The following FABP6 variants were observed in gnomAD, a reference collection of about 807,000 sequenced individuals.
FABP6 encodes the protein gastrotropin.
Under a neutral mutation model 14.9 loss-of-function variants are expected in FABP6, and 13 were observed. The observed-to-expected ratio is 0.87, with a 90% CI of 0.57 to 1.39. The LOEUF is 1.39. Ranked by LOEUF, FABP6 falls within the 40% of genes most tolerant of loss-of-function variation. The pLI is 0.00. For synonymous variants in FABP6, 75 were observed against 63.6 expected (o/e 1.18, Z -0.85); for missense variants, 161 against 167.2 (o/e 0.96, Z 0.20).
chr5:160,234,427 A>ATTT (rs34564042), intron 2 of FABP6, among the ~76,000 whole-genome samples: 11 of 65,886 alleles, frequency 1.7e-4, no homozygotes, highest in South Asian at 5.3e-4. Flanking sequence ...TGGTAAATTC[A>ATTT]TTTTTTTTTT....
chr5:160,238,489 T>C, intron 3 of FABP6, 117 bp from the exon 4 acceptor site: 1 of 800,686 alleles, frequency 1.2e-6, no homozygotes, highest in South Asian at 1.5e-5. Flanking sequence ...AAAGAAGTGG[T>C]GCGCCTGACT....
At chr5:160,206,476 C>T (rs1187354969) in intron 2 of FABP6, among the ~76,000 whole-genome samples, 3 of 151,982 alleles carry the variant, frequency 2.0e-5, no homozygotes, top group Non-Finnish European at 2.9e-5. Flanking sequence ...TACATGTATC[C>T]ACAGTGATTC....
At chr5:160,208,042 C>G (rs148835543) in intron 2 of FABP6, among the ~76,000 whole-genome samples, 1 of 151,984 alleles carries the variant, frequency 6.6e-6, no homozygotes, top group African/African-American at 2.4e-5. Flanking sequence ...CTTCTTTAGA[C>G]TTTTCTGCAT....
chr5:160,235,988 G>A (rs1203698347), intron 3 of FABP6, among the ~76,000 whole-genome samples: 1 of 151,368 alleles, frequency 6.6e-6, no homozygotes, highest in Non-Finnish European at 1.5e-5. Flanking sequence ...TCTTCACATG[G>A]CAGGGAGACG....
At chr5:160,187,382 A>G (rs1759308696) in exon 1 of FABP6, 1 of 152,626 alleles carries the variant, frequency 6.6e-6, no homozygotes, top group Non-Finnish European at 1.5e-5. Flanking sequence ...AACAAAACAG[A>G]TTACTTTGAA....
chr5:160,229,252 C>T (rs115190868), upstream of FABP6, among the ~76,000 whole-genome samples: 1,922 of 152,172 alleles, frequency 0.013, 38 homozygotes, highest in African/African-American at 0.043. Context: ...GCAGGGCATG[C>T]GGGAACGGAG....
At chr5:160,223,387 CTCCTTCCTTCCT>C (rs144081714) in intron 3 of FABP6, among the ~76,000 whole-genome samples, 1 of 105,882 alleles carries the variant, frequency 9.4e-6, no homozygotes, top group Non-Finnish European at 1.8e-5. Context: ...CCCTCCCTCT[CTCCTTCCTTCCT>C]TCCTTCCTTC....
chr5:160,213,903 C>A, intron 3 of FABP6: 1 of 1,113,036 alleles, frequency 9.0e-7, no homozygotes, highest in Non-Finnish European at 1.4e-6. Context: ...GACTTTGTGT[C>A]CTATCCCTGG....
chr5:160,211,136 G>T (rs1446876716), intron 2 of FABP6, among the ~76,000 whole-genome samples: 4 of 152,028 alleles, frequency 2.6e-5, no homozygotes, highest in Admixed American at 2.6e-4. Flanking sequence ...TTCTGTCCTG[G>T]GGAGCTGAGA....
intron 1 of FABP6, among the ~76,000 whole-genome samples, chr5:160,192,094 C>T (rs941485132): frequency 2.0e-5 from 3 of 152,076 alleles, no homozygotes; most frequent in Non-Finnish European, 4.4e-5. Flanking sequence ...TTTCCCTCAC[C>T]TGACCCCTTG....
chr5:160,193,228 C>T (rs1759434815), intron 1 of FABP6, among the ~76,000 whole-genome samples: 1 of 151,972 alleles, frequency 6.6e-6, no homozygotes, highest in Non-Finnish European at 1.5e-5. Flanking sequence ...GGTGAAACTG[C>T]AGACTTTCGC....
intron 1 of FABP6, chr5:160,198,432 C>G (rs886181761): frequency 3.9e-5 from 6 of 152,476 alleles, no homozygotes; most frequent in Non-Finnish European, 5.9e-5. Flanking sequence ...TACCACCTCA[C>G]TGGTCTCCCT....
At chr5:160,222,677 A>G (rs1193137743) in intron 3 of FABP6, among the ~76,000 whole-genome samples, 1 of 152,192 alleles carries the variant, frequency 6.6e-6, no homozygotes, top group South Asian at 2.1e-4. Flanking sequence ...ATAATCAGAA[A>G]ATAAACCCCC....
chr5:160,203,585 A>T (rs920105457), intron 2 of FABP6, among the ~76,000 whole-genome samples: 1 of 151,694 alleles, frequency 6.6e-6, no homozygotes, highest in Non-Finnish European at 1.5e-5. Flanking sequence ...CTGGTCTCAG[A>T]CTCCTGGGAT....
chr5:160,225,636 G>A (rs1384112001), upstream of FABP6, among the ~76,000 whole-genome samples: 1 of 151,960 alleles, frequency 6.6e-6, no homozygotes, highest in Non-Finnish European at 1.5e-5. Flanking sequence ...TCCTGATTTT[G>A]TGATCCACCT....
chr5:160,219,278 C>T (rs1052358472), intron 3 of FABP6, among the ~76,000 whole-genome samples: 1 of 152,186 alleles, frequency 6.6e-6, no homozygotes. Flanking sequence ...CCAGGCATTA[C>T]TCTGAGAATA....
intron 1 of FABP6, among the ~76,000 whole-genome samples, 158 bp downstream of exon 1, chr5:160,229,782 A>G (rs1760331100): frequency 6.6e-6 from 1 of 152,060 alleles, no homozygotes; most frequent in African/African-American, 2.4e-5. Context: ...GCTTTCTCCC[A>G]GGCTCTGAGG....
intron 2 of FABP6, among the ~76,000 whole-genome samples, chr5:160,234,427 ATTT>A (rs34564042): frequency 1.5e-5 from 1 of 65,892 alleles, no homozygotes. Flanking sequence ...TGGTAAATTC[ATTT>A]TTTTTTTTTT....
chr5:160,203,650 A>G (rs982892203), intron 2 of FABP6, among the ~76,000 whole-genome samples: 3 of 151,870 alleles, frequency 2.0e-5, no homozygotes, highest in African/African-American at 7.3e-5. Context: ...AGTGCAAACC[A>G]CTGCATCCAA....
Sources: allele counts gnomAD v4.1 joint callset (sites outside exome capture counted in the v4.1 genomes callset), GRCh38; gene constraint gnomAD v4.1.1; transcripts MANE v1.5; gene names NCBI Gene and HGNC (gene_info 2026-07-23, HGNC 2026-07-21).